ACBD3: variants seen among roughly 807,000 people sequenced by gnomAD.
ACBD3 encodes acyl-CoA binding domain containing 3, also known as Golgi resident protein GCP60.
In ACBD3, 30 loss-of-function variants were observed where a neutral mutation model predicts 66.9. The observed-to-expected ratio is 0.45, with a 90% CI of 0.34 to 0.61. ACBD3 has a LOEUF of 0.61. Ranked by LOEUF, ACBD3 falls within the 20% of genes least tolerant of loss-of-function variation. The pLI is 0.02. For missense variants in ACBD3, 544 were observed against 664.5 expected (o/e 0.82, Z 1.99); for synonymous variants, 278 against 259.8 (o/e 1.07, Z -0.68).
intron 1 of ACBD3, among the ~76,000 whole-genome samples, chr1:226,183,883 T>TAAAAA (rs56294022): frequency 2.7e-5 from 2 of 72,764 alleles, no homozygotes; most frequent in Non-Finnish European, 5.1e-5. Flanking sequence ...AAACTCTGCC[T>TAAAAA]AAAAAAAAAA....
chr1:226,165,040 T>C (rs1659846625), intron 2 of ACBD3, 111 bp from the exon 3 acceptor site: 3 of 1,202,392 alleles, frequency 2.5e-6, no homozygotes, highest in Admixed American at 3.1e-5. Flanking sequence ...AATGATTCTA[T>C]TGGGAGCAAA....
chr1:226,159,245 T>C lies in ACBD3; in HGVS notation c.842A>G (p.Gln281Arg), dbSNP rs761245421. Reference sequence around the variant, plus strand: ...CATGTACTGCTGATAGTGTTGCTCCTGCAACTGGCGGATGAGAATTTGCTG... The same window carrying C: ...CATGTACTGCTGATAGTGTTGCTCCCGCAACTGGCGGATGAGAATTTGCTG... ...EQQQILIRQL[Q>R]EQHYQQYMQQ... Residue 281 changes from glutamine to arginine, a missense_variant, in exon 5 of 8, where the codon CAG becomes CGG. Gln to Arg is a conservative substitution (Grantham distance 43). Transcript: ENST00000366812. 6.2e-7 allele frequency: 1 copy of C among 1,614,226 alleles called. No individual in the cohort carries two copies. Among genetic ancestry groups the C allele is most frequent in the Non-Finnish European group, 8.5e-7 (1 of 1,180,028 alleles).
At chr1:226,178,699 A>C (rs1343479453) in intron 1 of ACBD3, among the ~76,000 whole-genome samples, 2 of 151,988 alleles carry the variant, frequency 1.3e-5, no homozygotes, top group Admixed American at 1.3e-4. Context: ...TGTCCCTTCT[A>C]GCCTTCATTT....
chr1:226,150,656 C>T (rs1028090584), intron 7 of ACBD3, among the ~76,000 whole-genome samples: 3 of 152,204 alleles, frequency 2.0e-5, no homozygotes, highest in Admixed American at 6.5e-5. Flanking sequence ...GGATTACAGG[C>T]GTGAGCCACC....
chr1:226,166,102 CCTGT>C, intron 1 of ACBD3, 102 bp from the exon 2 acceptor site: 1 of 1,283,188 alleles, frequency 7.8e-7, no homozygotes, highest in South Asian at 1.6e-5. Context: ...TCACAAACTG[CCTGT>C]AATAGACACA....
intron 7 of ACBD3, among the ~76,000 whole-genome samples, chr1:226,151,939 C>T (rs894697192): frequency 1.3e-5 from 2 of 151,612 alleles, no homozygotes; most frequent in East Asian, 3.9e-4. Context: ...CCTAAGAGGC[C>T]GAGACTACTG....
intron 7 of ACBD3, among the ~76,000 whole-genome samples, chr1:226,151,661 T>C (rs1457899888): frequency 1.3e-5 from 2 of 152,174 alleles, no homozygotes; most frequent in South Asian, 2.1e-4. Context: ...ATCAACAATA[T>C]AAATTTAAAT....
At chr1:226,177,493 GC>G (rs1211170363) in intron 1 of ACBD3, among the ~76,000 whole-genome samples, 1 of 151,738 alleles carries the variant, frequency 6.6e-6, no homozygotes, top group African/African-American at 2.4e-5. Context: ...ACCGTGCCCA[GC>G]CCCACGTAGC....
chr1:226,156,593 T>C (rs1371824835), intron 5 of ACBD3, among the ~76,000 whole-genome samples: 1 of 152,204 alleles, frequency 6.6e-6, no homozygotes, highest in Non-Finnish European at 1.5e-5. Flanking sequence ...TTGGCATATC[T>C]CTACACACAT....
chr1:226,170,668 T>G (rs570485469), intron 1 of ACBD3, among the ~76,000 whole-genome samples: 2 of 152,134 alleles, frequency 1.3e-5, no homozygotes, highest in Non-Finnish European at 2.9e-5. Context: ...ATGGGGCAAG[T>G]GGATATGAAA....
At position 226,159,169 on chromosome 1, in the gene ACBD3, G is replaced by A. The variant is rs1447347130; in HGVS notation, c.903+15C>T. Reference sequence around the variant, plus strand: ...AACTCTCTCTAAGGCTGAATTCTAGGGTTGTCTATCGTACCTGTTGCTGTG... The same window carrying A: ...AACTCTCTCTAAGGCTGAATTCTAGAGTTGTCTATCGTACCTGTTGCTGTG... On this transcript the variant is annotated intron_variant, in intron 5 of 7. Transcript: ENST00000366812. 1.9e-6 allele frequency: 3 copies of A among 1,612,774 alleles called. No individual in the cohort carries two copies. Among genetic ancestry groups the A allele is most frequent in the East Asian group, 4.5e-5 (2 of 44,854 alleles).
intron 7 of ACBD3, among the ~76,000 whole-genome samples, chr1:226,151,746 G>A (rs1415803670): frequency 6.6e-6 from 1 of 152,152 alleles, no homozygotes; most frequent in Admixed American, 6.5e-5. Flanking sequence ...TGTGGCTCAC[G>A]CCTGTAATCC....
At chr1:226,159,157 G>T (rs1274232135) in intron 5 of ACBD3, 27 bp downstream of exon 5, 1 of 1,609,142 alleles carries the variant, frequency 6.2e-7, no homozygotes, top group African/African-American at 1.3e-5. Context: ...TCTCTCTAAG[G>T]CTGAATTCTA....
intron 7 of ACBD3, among the ~76,000 whole-genome samples, chr1:226,151,951 G>A (rs1409629819): frequency 1.3e-5 from 2 of 152,114 alleles, no homozygotes; most frequent in South Asian, 2.1e-4. Flanking sequence ...AGACTACTGT[G>A]AGCAGAGATC....
At chr1:226,173,659 T>C (rs1198813156) in intron 1 of ACBD3, among the ~76,000 whole-genome samples, 1 of 152,038 alleles carries the variant, frequency 6.6e-6, no homozygotes, top group African/African-American at 2.4e-5. Context: ...CACAAAAGGT[T>C]ACAGCTCTCT....
intron 1 of ACBD3, among the ~76,000 whole-genome samples, chr1:226,169,806 G>C (rs1256253125): frequency 2.6e-5 from 4 of 151,566 alleles, no homozygotes; most frequent in Admixed American, 1.3e-4. Context: ...TGGATCACCT[G>C]AGGTCAAGAG....
Position 226,146,397 on chromosome 1 carries a change from G to C in ACBD3, c.*213C>G. The C allele has an allele frequency of 1.9e-6, 1 of 528,606 alleles. No individual in the cohort carries two copies. Among genetic ancestry groups the C allele is most frequent in the Admixed American group, 3.3e-5 (1 of 30,486 alleles). 32.7% of individuals were successfully genotyped at this position (528,606 alleles called of 1,614,324 possible). ...TGACTCTGCTGGTCAGCACCCAAGG[G>C]CTGGATGAGTCTGAGGAATCTCCTT... On this transcript the variant is annotated 3_prime_UTR_variant, in exon 8 of 8. Transcript: ENST00000366812.
At chr1:226,184,805 C>CTT (rs76440532) in intron 1 of ACBD3, among the ~76,000 whole-genome samples, 2 of 142,138 alleles carry the variant, frequency 1.4e-5, no homozygotes, top group East Asian at 4.1e-4. Flanking sequence ...TGAAGCGATT[C>CTT]TTTTTTTTTT....
In ACBD3 at chr1:226,146,370, A is replaced by G; in HGVS notation, c.*240T>C. On this transcript the variant is annotated 3_prime_UTR_variant, in exon 8 of 8. Transcript: ENST00000366812. ...AGCTCATGTAACTTCAGCATCCACT[A>G]GTGACTCTGCTGGTCAGCACCCAAG... 1 of 473,500 alleles carries G rather than the reference A, an allele frequency of 2.1e-6. No individual in the cohort carries two copies. The highest frequency in any genetic ancestry group is 3.8e-6 in the Non-Finnish European group (1 of 263,156). The allele number at this position is 473,500 out of a possible 1,614,324, so 29.3% of individuals were successfully genotyped here. A position where few individuals can be genotyped will look rare whatever the true frequency, so the allele number is the denominator to read the frequency against.
Sources: allele counts gnomAD v4.1 joint callset (sites outside exome capture counted in the v4.1 genomes callset), GRCh38; gene constraint gnomAD v4.1.1; transcripts MANE v1.5; gene names NCBI Gene and HGNC (gene_info 2026-07-23, HGNC 2026-07-21).